ZNF860: variants seen among roughly 807,000 people sequenced by gnomAD.
ZNF860 encodes zinc finger protein 860.
For synonymous variants in ZNF860, 206 were observed against 248.9 expected, an observed-to-expected ratio of 0.83 and a Z score of 1.62; for missense variants, 641 against 759.2, an observed-to-expected ratio of 0.84 and a Z score of 1.83.
Position 31,989,481 on chromosome 3 carries a change from G to C in ZNF860, c.402G>C (p.Leu134Phe). 6.2e-7 allele frequency: 1 copy of C among 1,614,168 alleles called. No homozygotes were observed. The highest frequency in any genetic ancestry group is 8.5e-7 in the Non-Finnish European group (1 of 1,180,030). The change falls in exon 2 of 2, where the codon TTG (leucine) becomes TTC (phenylalanine). Residue 134 changes from leucine to phenylalanine, a missense_variant. Coordinates refer to ENST00000360311, the MANE Select transcript of ZNF860 (RefSeq NM_001137674.3). Reference sequence around the variant, plus strand: ...CAACTATGACACAAATCAAAAAGTTGACTGGTAGCACCGACAGATATGATC... The same window carrying C: ...CAACTATGACACAAATCAAAAAGTTCACTGGTAGCACCGACAGATATGATC... The part of the protein sequence containing the change: ...HEATMTQIKK[L>F]TGSTDRYDRR...
chr3:31,997,759 G>A, the ZNF860 span, among the ~76,000 whole-genome samples: 84 of 151,996 alleles, frequency 5.5e-4, no homozygotes, highest in Middle Eastern at 3.4e-3. Flanking sequence ...AACTTGCCTC[G>A]CTGAGCCTCA....
At chr3:31,994,981 A>T (rs1174519599), downstream of ZNF860, among the ~76,000 whole-genome samples, 1 of 152,172 alleles carries the variant, frequency 6.6e-6, no homozygotes, top group Non-Finnish European at 1.5e-5. Context: ...CCGCAAAACC[A>T]GTAAGTTTTT....
rs759351448 is a variant in ZNF860 at position 31,990,800 on chromosome 3, C to A, written c.1721C>A (p.Ala574Asp). Residue 574 changes from alanine to aspartate, a missense_variant, in exon 2 of 2, where the codon GCC (alanine) becomes GAC (aspartate). Transcript: ENST00000360311. ...TACAAATGTGATGATTTTGACGAGG[C>A]CTTCAGTCAAGCTTCATCTTATGCA... ...KPYKCDDFDE[A>D]FSQASSYAKQ... The A allele has an allele frequency of 2.5e-6, 4 of 1,608,640 alleles. No individual in the cohort carries two copies. The highest frequency in any genetic ancestry group is 1.1e-5 in the South Asian group (1 of 90,588).
At chr3:31,996,874 T>C in the ZNF860 span, among the ~76,000 whole-genome samples, 3 of 152,182 alleles carry the variant, frequency 2.0e-5, no homozygotes, top group African/African-American at 7.2e-5. Context: ...AGCACTCCAT[T>C]CAATATGGTA....
chr3:31,993,014 CA>C (rs1454514063), downstream of ZNF860, among the ~76,000 whole-genome samples: 3 of 151,584 alleles, frequency 2.0e-5, no homozygotes, highest in African/African-American at 4.8e-5. Flanking sequence ...AAAAAATAAA[CA>C]AATACTGAAA....
the ZNF860 span, among the ~76,000 whole-genome samples, chr3:32,002,186 G>T: frequency 2.2e-4 from 34 of 152,220 alleles, no homozygotes; most frequent in African/African-American, 7.9e-4. Flanking sequence ...CCATTCAACA[G>T]AAATTGCTTC....
At chr3:31,983,990 A>G (rs1384880715) in intron 1 of ZNF860, among the ~76,000 whole-genome samples, 2 of 152,102 alleles carry the variant, frequency 1.3e-5, no homozygotes, top group Admixed American at 6.6e-5. Context: ...TTATTACTCA[A>G]ATCAATCTCC....
downstream of ZNF860, among the ~76,000 whole-genome samples, chr3:31,993,500 G>A (rs993145444): frequency 4.6e-5 from 7 of 152,070 alleles, no homozygotes; most frequent in East Asian, 5.8e-4. Flanking sequence ...GAGCCACCGC[G>A]CCCAGACAAG....
chr3:31,992,061 A>C (rs547160794), downstream of ZNF860, among the ~76,000 whole-genome samples: 1 of 150,986 alleles, frequency 6.6e-6, no homozygotes, highest in Admixed American at 6.6e-5. Context: ...CAGGAGAATC[A>C]CTTGAACCTG....
At chr3:32,004,864 A>G in the ZNF860 span, among the ~76,000 whole-genome samples, 2 of 152,224 alleles carry the variant, frequency 1.3e-5, no homozygotes, top group Non-Finnish European at 2.9e-5. Flanking sequence ...TAAGTAAATT[A>G]TAGTCCTTAT....
the ZNF860 span, among the ~76,000 whole-genome samples, chr3:32,003,212 A>T: frequency 6.6e-6 from 1 of 152,220 alleles, no homozygotes; most frequent in African/African-American, 2.4e-5. Flanking sequence ...ATCAGAACTT[A>T]GACCAAACTC....
chr3:31,990,073 CAT>C lies in ZNF860; in HGVS notation c.996_997del (p.His332GlnfsTer13), dbSNP rs1699003312. ...VFSRKSNLERHRRIHTGEKPY... is the reference protein window; with the variant it reads ...VFSRKSNLERXRRIHTGEKPY... ...TAGTCGCAAATCAAATCTTGAAAGA[CAT>C]AGGAGAATTCATACTGGAGAGAAAC... On this transcript the variant is annotated frameshift_variant, in exon 2 of 2. Coordinates refer to ENST00000360311, the MANE Select transcript of ZNF860 (RefSeq NM_001137674.3). LOFTEE classifies it low-confidence loss of function (END_TRUNC). 6.2e-7 allele frequency: 1 copy of C among 1,613,968 alleles called. No homozygotes were observed.
At chr3:31,985,731 A>G in intron 1 of ZNF860, among the ~76,000 whole-genome samples, 1 of 152,238 alleles carries the variant, frequency 6.6e-6, no homozygotes, top group East Asian at 1.9e-4. Context: ...TGTCTGTGTT[A>G]GAAACATGTG....
chr3:32,003,353 G>A, the ZNF860 span, among the ~76,000 whole-genome samples: 1 of 152,222 alleles, frequency 6.6e-6, no homozygotes, highest in Non-Finnish European at 1.5e-5. Context: ...GAAGTGCTAA[G>A]GGGGAGTTCC....
At chr3:31,993,438 C>A (rs910740455), downstream of ZNF860, among the ~76,000 whole-genome samples, 4 of 151,970 alleles carry the variant, frequency 2.6e-5, no homozygotes, top group African/African-American at 9.7e-5. Flanking sequence ...AAACTCCTGA[C>A]CTCAGGTGAT....
intron 1 of ZNF860, among the ~76,000 whole-genome samples, chr3:31,984,450 C>A (rs1698905621): frequency 6.6e-6 from 1 of 151,842 alleles, no homozygotes; most frequent in African/African-American, 2.4e-5. Flanking sequence ...AGTTTGTCTT[C>A]TTGCACTGAG....
At chr3:31,992,908 C>A (rs1009301889), downstream of ZNF860, among the ~76,000 whole-genome samples, 1 of 152,162 alleles carries the variant, frequency 6.6e-6, no homozygotes, top group African/African-American at 2.4e-5. Flanking sequence ...GAGGCTGAGG[C>A]AGGAGTATCA....
the ZNF860 span, among the ~76,000 whole-genome samples, chr3:32,002,595 A>T: frequency 6.9e-6 from 1 of 145,118 alleles, no homozygotes; most frequent in African/African-American, 2.5e-5. Flanking sequence ...TAGGGTTTGA[A>T]TCAAGGCTTC....
chr3:31,994,899 A>G (rs984336097), downstream of ZNF860, among the ~76,000 whole-genome samples: 3 of 152,318 alleles, frequency 2.0e-5, no homozygotes, highest in African/African-American at 7.2e-5. Flanking sequence ...AAAGAGTACA[A>G]AGAGAGGAAT....
Sources: gnomAD v4.1 joint callset for allele counts (sites outside exome capture counted in the v4.1 genomes callset) on GRCh38, gnomAD v4.1.1 for gene constraint, MANE v1.5 for transcripts, NCBI Gene and HGNC (gene_info 2026-07-23, HGNC 2026-07-21) for gene names.